MAGI1: variants seen among roughly 807,000 people sequenced by gnomAD.
The protein encoded by MAGI1 is membrane associated guanylate kinase, WW and PDZ domain containing 1, also known as membrane-associated guanylate kinase, WW and PDZ domain-containing protein 1.
Under a neutral mutation model 139.9 loss-of-function variants are expected in MAGI1, and 58 were observed. That is an observed-to-expected ratio of 0.41 (90% confidence interval 0.34 to 0.52). The LOEUF (loss-of-function observed/expected upper bound fraction) is 0.52, where lower values mean the gene tolerates loss of function less well. Ranked by LOEUF, MAGI1 falls within the 20% of genes least tolerant of loss-of-function variation. The pLI is 0.12. For synonymous variants in MAGI1, 812 were observed against 737.9 expected (o/e 1.10, Z -1.63); for missense variants, 1,874 against 1,901.6 (o/e 0.99, Z 0.27).
chr3:65,869,622 G>C (rs537392112), intron 1 of MAGI1, among the ~76,000 whole-genome samples: 16 of 151,954 alleles, frequency 1.1e-4, no homozygotes, highest in East Asian at 7.9e-4. Context: ...GGATGGTCTC[G>C]ATCTCCTGAC....
chr3:65,468,813 G>A (rs1225242124), intron 5 of MAGI1, among the ~76,000 whole-genome samples: 1 of 151,900 alleles, frequency 6.6e-6, no homozygotes, highest in African/African-American at 2.4e-5. Flanking sequence ...ACTCACACCT[G>A]TAATCCCAGC....
At chr3:65,533,216 G>C (rs111389519) in intron 2 of MAGI1, among the ~76,000 whole-genome samples, 3 of 152,196 alleles carry the variant, frequency 2.0e-5, no homozygotes, top group African/African-American at 4.8e-5. Flanking sequence ...CAAATTAGTA[G>C]ATTTAACTCA....
chr3:65,508,597 A>C lies in MAGI1; in HGVS notation c.431-14966T>G, dbSNP rs183856855. Among the ~76,000 whole-genome samples the C allele has an allele frequency of 1.3e-3, 198 of 152,260 alleles. 2 individuals are homozygous for C. The highest frequency in any genetic ancestry group is 0.013 in the Admixed American group (197 of 15,296). On this transcript the variant is annotated intron_variant, in intron 2 of 22. Coordinates refer to ENST00000402939, the MANE Select transcript of MAGI1 (RefSeq NM_001033057.2). The stretch of plus-strand genomic sequence containing the variant: ...CCTTCTAAGACAGTCACATTACTTT[A>C]AGCCTATAGGATTCTCATTAATCCA...
chr3:65,407,425 C>T (rs540807806), intron 12 of MAGI1, among the ~76,000 whole-genome samples: 6 of 144,722 alleles, frequency 4.1e-5, no homozygotes, highest in African/African-American at 5.1e-5. Context: ...CCAGCTTGGG[C>T]GACAGAGTGA....
chr3:65,711,126 A>C (rs780492375), intron 1 of MAGI1, among the ~76,000 whole-genome samples: 1 of 152,218 alleles, frequency 6.6e-6, no homozygotes, highest in Non-Finnish European at 1.5e-5. Flanking sequence ...CCAAACACCA[A>C]GTGTGTTCTA....
intron 1 of MAGI1, among the ~76,000 whole-genome samples, chr3:66,014,580 C>A (rs961285850): frequency 6.6e-6 from 1 of 152,062 alleles, no homozygotes; most frequent in Admixed American, 6.5e-5. Flanking sequence ...AGAACACAGC[C>A]CCACATATAT....
At chr3:65,788,785 C>T (rs533561969) in intron 1 of MAGI1, among the ~76,000 whole-genome samples, 20 of 152,292 alleles carry the variant, frequency 1.3e-4, no homozygotes, top group African/African-American at 4.8e-4. Flanking sequence ...ATAAATCAAC[C>T]ATTATGTGTG....
intron 1 of MAGI1, among the ~76,000 whole-genome samples, chr3:65,897,730 G>A (rs1353617313): frequency 6.6e-6 from 1 of 151,790 alleles, no homozygotes; most frequent in African/African-American, 2.4e-5. Context: ...AGGCATGGTG[G>A]TGTACCCCTG....
At chr3:65,531,233 GATCTCAAATTGT>G (rs1021933710) in intron 2 of MAGI1, among the ~76,000 whole-genome samples, 4 of 151,792 alleles carry the variant, frequency 2.6e-5, no homozygotes, top group Admixed American at 6.6e-5. Context: ...TATACTAATG[GATCTCAAATTGT>G]ATCTCAAATT....
chr3:65,469,908 T>C (rs1439548356), intron 5 of MAGI1: 1 of 148,014 alleles, frequency 6.8e-6, no homozygotes, highest in Non-Finnish European at 1.5e-5. Context: ...TTTAATATAT[T>C]TATTTTTAAA....
chr3:65,637,973 C>T (rs1428895878), intron 1 of MAGI1, among the ~76,000 whole-genome samples: 1 of 152,148 alleles, frequency 6.6e-6, no homozygotes, highest in East Asian at 1.9e-4. Context: ...TCTTGGACTA[C>T]AGGAGGAGCT....
intron 1 of MAGI1, among the ~76,000 whole-genome samples, chr3:65,905,860 T>G (rs2061414861): frequency 6.6e-6 from 1 of 152,216 alleles, no homozygotes; most frequent in African/African-American, 2.4e-5. Flanking sequence ...TAGGCAGGAA[T>G]GCACCACACA....
rs1952213345 is a variant in MAGI1, at chr3:65,493,610, T to C, written c.452A>G (p.Glu151Gly). Reference protein sequence around the residue: ...AVPCTTRSPREGEVPGVDYNF... With the variant: ...AVPCTTRSPRGGEVPGVDYNF... ...ATAGTCCACGCCAGGCACTTCTCCT[T>C]CTCTGGGAGATCGGGTTGTGCCTGT... Residue 151 changes from glutamate (E) to glycine (G), a missense_variant, in exon 3 of 23, where the codon GAA becomes GGA. Glu to Gly is a moderately conservative substitution (Grantham distance 98). Around this residue, in one of 5 missense-constraint regions of MAGI1, gnomAD observed 648 missense variants for 598.1 expected, o/e 1.08. Coordinates refer to ENST00000402939, the MANE Select transcript of MAGI1 (RefSeq NM_001033057.2). The C allele has an allele frequency of 6.2e-7, 1 of 1,614,150 alleles. No homozygotes were observed. Among genetic ancestry groups the C allele is most frequent in the Non-Finnish European group, 8.5e-7 (1 of 1,180,028 alleles).
intron 1 of MAGI1, among the ~76,000 whole-genome samples, chr3:65,949,804 C>A (rs186362380): frequency 2.0e-5 from 3 of 152,198 alleles, no homozygotes; most frequent in Admixed American, 6.5e-5. Context: ...TAGATTGGGG[C>A]TGGGCACGGT....
At chr3:65,425,432 C>T (rs1946967094) in intron 12 of MAGI1, among the ~76,000 whole-genome samples, 1 of 152,136 alleles carries the variant, frequency 6.6e-6, no homozygotes, top group Non-Finnish European at 1.5e-5. Context: ...GTCCTGTGGT[C>T]TTTCCTCTAT....
At chr3:65,405,063 T>C (rs1945226587) in intron 12 of MAGI1, among the ~76,000 whole-genome samples, 1 of 152,192 alleles carries the variant, frequency 6.6e-6, no homozygotes, top group Non-Finnish European at 1.5e-5. Flanking sequence ...AGTTTATGGA[T>C]GGCAGCATCC....
At chr3:65,896,600 A>G (rs535512396) in intron 1 of MAGI1, among the ~76,000 whole-genome samples, 11 of 152,282 alleles carry the variant, frequency 7.2e-5, no homozygotes, top group South Asian at 6.2e-4. Context: ...GCTGGAGCCC[A>G]TAAGTTTGAA....
intron 5 of MAGI1, among the ~76,000 whole-genome samples, chr3:65,466,037 T>C (rs1950150655): frequency 6.6e-6 from 1 of 152,188 alleles, no homozygotes; most frequent in South Asian, 2.1e-4. Flanking sequence ...AAGCTTTTTG[T>C]TTTGGCTACT....
intron 15 of MAGI1, among the ~76,000 whole-genome samples, chr3:65,382,732 G>C (rs1943154887): frequency 6.6e-6 from 1 of 152,112 alleles, no homozygotes; most frequent in African/African-American, 2.4e-5. Context: ...ACATGAACTC[G>C]AGTCAGACCT....
Sources: allele counts gnomAD v4.1 joint callset (sites outside exome capture counted in the v4.1 genomes callset), GRCh38; gene constraint gnomAD v4.1.1; regional missense constraint gnomAD v4.1.1; transcripts MANE v1.5; gene names NCBI Gene and HGNC (gene_info 2026-07-23, HGNC 2026-07-21).